ARHGEF15: variants seen among roughly 807,000 people sequenced by gnomAD.
The protein encoded by ARHGEF15 is Rho guanine nucleotide exchange factor 15, also known as Rho guanine nucleotide exchange factor (GEF) 15.
A neutral mutation model predicts 79.7 loss-of-function variants in ARHGEF15; 58 were observed. The observed-to-expected ratio is 0.73, with a 90% CI of 0.59 to 0.91. The LOEUF (loss-of-function observed/expected upper bound fraction) is 0.91, where lower values mean the gene tolerates loss of function less well. Among genes scored for constraint, ARHGEF15 ranks in the 40% least tolerant of loss-of-function variants. ARHGEF15 has a pLI of 0.00. For missense variants in ARHGEF15, 1,012 were observed against 1,108.1 expected (o/e 0.91, Z 1.23); for synonymous variants, 442 against 456.0 (o/e 0.97, Z 0.39).
intron 4 of ARHGEF15, 80 bp from the exon 5 acceptor site, chr17:8,314,824 CCT>C: frequency 6.3e-7 from 1 of 1,575,052 alleles, no homozygotes; most frequent in Non-Finnish European, 8.6e-7. Context: ...CATGGGTTGC[CCT>C]GTCCAGCATG....
intron 4 of ARHGEF15, 58 bp from the exon 5 acceptor site, chr17:8,314,846 ACC>A: frequency 6.3e-7 from 1 of 1,598,584 alleles, no homozygotes; most frequent in South Asian, 1.1e-5. Context: ...GAGAACAAGC[ACC>A]CCTACGGTGG....
At chr17:8,316,303 G>A (rs574195297) in intron 9 of ARHGEF15, among the ~76,000 whole-genome samples, 155 bp downstream of exon 9, 20 of 152,192 alleles carry the variant, frequency 1.3e-4, no homozygotes, top group Non-Finnish European at 2.5e-4. Context: ...CTCAGCCTAG[G>A]ACTCACCAAG....
At chr17:8,317,421 A>G (rs544238253) in intron 9 of ARHGEF15, among the ~76,000 whole-genome samples, 10 of 152,310 alleles carry the variant, frequency 6.6e-5, no homozygotes, top group Non-Finnish European at 1.3e-4. Flanking sequence ...CTTTATGTGA[A>G]GAGTTCCCAA....
chr17:8,318,824 G>A lies in ARHGEF15; in HGVS notation c.1947G>A (p.Gly649=), dbSNP rs763594377. Residue 649 remains glycine, a synonymous_variant, in exon 12 of 16, where the codon GGG becomes GGA. Coordinates refer to ENST00000361926, the MANE Select transcript of ARHGEF15 (RefSeq NM_173728.4). This position sits in a 1 kb window ranked among gnomAD's most constrained non-coding sequence, Gnocchi z 5.0. ...GELTELGCRR[G]GVLFASRPRF... ...TGACTGAGTTAGGGTGCCGGAGGGG[G>A]GGCGTGCTCTTTGCCTCGCGCCCCC... is the stretch of plus-strand genomic sequence containing the variant. The A allele has an allele frequency of 3.7e-6, 6 of 1,613,568 alleles. No individual in the cohort carries two copies. Among genetic ancestry groups the A allele is most frequent in the Non-Finnish European group, 5.1e-6 (6 of 1,179,996 alleles).
At position 8,319,353 on chromosome 17, in the gene ARHGEF15, G is replaced by A. The variant is rs201311723; in HGVS notation, c.2228G>A (p.Gly743Asp). 4.5e-4 allele frequency: 725 copies of A among 1,614,046 alleles called. No individual in the cohort carries two copies. The highest frequency in any genetic ancestry group is 5.5e-4 in the Non-Finnish European group (647 of 1,179,984). ...QRWLGAFPTP[G>D]PLPCSPDTIY... ...TGGCTGGGAGCCTTCCCAACCCCAG[G>A]CCCCCTTCCCTGCTCCCCAGACACC... Residue 743 changes from glycine (G) to aspartate (D), a missense_variant, in exon 14 of 16, where the codon GGC (glycine) becomes GAC (aspartate). Physicochemically the swap from Gly to Asp is moderately conservative, Grantham distance 94. Around this residue, in one of 3 missense-constraint regions of ARHGEF15, gnomAD observed 132 missense variants for 124.2 expected, o/e 1.06. Transcript: ENST00000361926.
Position 8,316,128 on chromosome 17 carries a change from C to T in ARHGEF15, c.1684C>T (p.Arg562Trp). 6.2e-7 allele frequency: 1 copy of T among 1,602,878 alleles called. No homozygotes were observed. Among genetic ancestry groups the T allele is most frequent in the Non-Finnish European group, 8.5e-7 (1 of 1,179,204 alleles). Reference protein sequence around the residue: ...FLLLPFQRITRLRMLLQNILR... With the variant: ...FLLLPFQRITWLRMLLQNILR... ...GCTACTGCCCTTCCAGCGCATCACC[C>T]GGCTGCGCATGCTGCTGCAGGTACC... Residue 562 changes from arginine to tryptophan, a missense_variant, in exon 9 of 16, where the codon CGG becomes TGG. Physicochemically the swap from Arg to Trp is moderately radical, Grantham distance 101. Transcript: ENST00000361926.
intron 1 of ARHGEF15, 77 bp from the exon 2 acceptor site, chr17:8,311,914 T>A: frequency 1.0e-6 from 1 of 1,004,604 alleles, no homozygotes; most frequent in Non-Finnish European, 1.4e-6. Context: ...GACTTCAAAA[T>A]CCTGCCTTCC....
Position 8,318,981 on chromosome 17 carries a change from T to A in ARHGEF15, c.2034-26T>A, listed in dbSNP as rs759216156. The A allele has an allele frequency of 6.2e-7, 1 of 1,611,340 alleles. No individual in the cohort carries two copies. The highest frequency in any genetic ancestry group is 1.1e-5 in the South Asian group (1 of 90,984). On this transcript the variant is annotated intron_variant, in intron 12 of 15. Coordinates refer to ENST00000361926, the MANE Select transcript of ARHGEF15 (RefSeq NM_173728.4). The surrounding 1 kb of genome is among the most constrained non-coding windows in gnomAD (Gnocchi z 5.0). ...GGGTCCAGCGGGACCCCTGCTGTCC[T>A]TCTGAACGACCTCATCCCTGGGCAG...
In ARHGEF15 at chr17:8,319,132, C is replaced by T. The variant is rs547480017; in HGVS notation, c.2159C>T (p.Thr720Ile). ...SLLSNHQGRP[T>I]HRLLQASSLS... The stretch of plus-strand genomic sequence containing the variant: ...CTCAGCAACCACCAGGGCCGCCCCA[C>T]CCACCGACTACTCCAAGCTTCTTCC... The change falls in exon 13 of 16, where the codon ACC becomes ATC. Residue 720 changes from threonine (T) to isoleucine (I), a missense_variant. Thr to Ile is a moderately conservative substitution (Grantham distance 89, BLOSUM62 -1). Coordinates refer to ENST00000361926, the MANE Select transcript of ARHGEF15 (RefSeq NM_173728.4). 3.1e-6 allele frequency: 5 copies of T among 1,613,942 alleles called. No individual in the cohort carries two copies. The South Asian group carries it at 5.5e-5, about 18-fold the overall frequency.
In ARHGEF15 at chr17:8,321,857, G is replaced by A. The variant is rs903077159; in HGVS notation, c.*864G>A. ...GGTTCTGTGGCAGTTGCAGGGCAAT[G>A]TTATGGAGCAGCCAACGGCCTGGCA... On this transcript the variant is annotated 3_prime_UTR_variant, in exon 16 of 16. Coordinates refer to ENST00000361926, the MANE Select transcript of ARHGEF15 (RefSeq NM_173728.4). The A allele has an allele frequency of 2.6e-5, 4 of 152,416 alleles. No individual in the cohort carries two copies. The highest frequency in any genetic ancestry group is 1.9e-4 in the East Asian group (1 of 5,200). 9.4% of individuals were successfully genotyped at this position (152,416 alleles called of 1,614,324 possible).
At chr17:8,317,795 G>A (rs78761266) in intron 9 of ARHGEF15, among the ~76,000 whole-genome samples, 1 of 152,124 alleles carries the variant, frequency 6.6e-6, no homozygotes, top group Non-Finnish European at 1.5e-5. Context: ...GGGCAGGCAC[G>A]GTGGCTCATG....
At chr17:8,316,770 C>A (rs758968260) in intron 9 of ARHGEF15, among the ~76,000 whole-genome samples, 3 of 152,158 alleles carry the variant, frequency 2.0e-5, no homozygotes, top group Non-Finnish European at 4.4e-5. Context: ...GAGACACTTT[C>A]TTCCTCCTCC....
intron 3 of ARHGEF15, 112 bp from the exon 4 acceptor site, chr17:8,313,389 C>G: frequency 6.7e-7 from 1 of 1,491,582 alleles, no homozygotes; most frequent in Admixed American, 1.9e-5. Context: ...TGCTCTGGTG[C>G]TGAAGAGAGT....
chr17:8,318,470 T>C lies in ARHGEF15; in HGVS notation c.1779+9T>C. The stretch of plus-strand genomic sequence containing the variant: ...TGGGTGCTGTCAGCAAGGTGGGCAG[T>C]GGGGAAGCTGAAGCAGGGGGAGGTG... On this transcript the variant is annotated intron_variant, in intron 10 of 15. Transcript: ENST00000361926. This position sits in a 1 kb window ranked among gnomAD's most constrained non-coding sequence, Gnocchi z 5.0. The C allele has an allele frequency of 6.2e-7, 1 of 1,613,824 alleles. No homozygotes were observed.
chr17:8,319,754 A>G lies in ARHGEF15; in HGVS notation c.2374+151A>G, dbSNP rs112677386. 1.0e-3 allele frequency: 563 copies of G among 543,000 alleles called. 5 individuals carry two copies. Among genetic ancestry groups the G allele is most frequent in the African/African-American group, 0.01 (507 of 50,624 alleles). 33.6% of individuals were successfully genotyped at this position (543,000 alleles called of 1,614,324 possible). A position where few individuals can be genotyped will look rare whatever the true frequency, so the allele number is the denominator to read the frequency against. On this transcript the variant is annotated intron_variant, in intron 15 of 15. Transcript: ENST00000361926. ...GGGTTCAAGGGATTCTCCTGCCTCA[A>G]CCTCCCAAGTAGCTGAGATTACAGG...
rs201613571 is a variant in ARHGEF15, at chr17:8,320,945, C to G, written c.2478C>G (p.Leu826=). 6.2e-6 allele frequency: 10 copies of G among 1,614,016 alleles called. No individual in the cohort carries two copies. Among genetic ancestry groups the G allele is most frequent in the Non-Finnish European group, 8.5e-6 (10 of 1,179,934 alleles). ...ACCTTCGCCAGAACCAGAGGCTTCT[C>G]GAGGCTGTTGGATCTTCTTCAGGCA... ...RRHLRQNQRL[L]EAVGSSSGTP... The change falls in exon 16 of 16, where the codon CTC becomes CTG. Residue 826 remains leucine, a synonymous_variant. Coordinates refer to ENST00000361926, the MANE Select transcript of ARHGEF15 (RefSeq NM_173728.4).
In ARHGEF15 at chr17:8,312,049, C is replaced by A; in HGVS notation, c.10C>A (p.Gln4Lys). The stretch of plus-strand genomic sequence containing the variant: ...AAGAGCACAGAGGAAGATGTCAGCC[C>A]AGTCCCTTCCTGCAGCAACACCCCC... MSA[Q>K]SLPAATPPTQ... The change falls in exon 2 of 16, where the codon CAG becomes AAG. Residue 4 changes from glutamine to lysine, a missense_variant. By Grantham distance (53) the Gln-to-Lys change is moderately conservative. Transcript: ENST00000361926. 1 of 1,592,812 alleles carries A rather than the reference C, an allele frequency of 6.3e-7. No homozygotes were observed. Among genetic ancestry groups the A allele is most frequent in the Admixed American group, 1.7e-5 (1 of 57,862 alleles).
chr17:8,314,846 A>AC, intron 4 of ARHGEF15, 60 bp from the exon 5 acceptor site: 1 of 1,598,584 alleles, frequency 6.3e-7, no homozygotes, highest in Non-Finnish European at 8.5e-7. Context: ...GAGAACAAGC[A>AC]CCCCTACGGT....
rs1216978191 is a variant in ARHGEF15 at position 8,319,372 on chromosome 17, A to G, written c.2247A>G (p.Pro749=). ...FPTPGPLPCS[P]DTIYEDCDCS... is the part of the protein sequence containing the mutation. ...CCCCAGGCCCCCTTCCCTGCTCCCC[A>G]GACACCATCTATGAGGACTGTGGTG... Residue 749 remains proline, a synonymous_variant, in exon 14 of 16, where the codon CCA becomes CCG. Transcript: ENST00000361926. 1 of 1,613,876 alleles carries G rather than the reference A, an allele frequency of 6.2e-7. No homozygotes were observed. Among genetic ancestry groups the G allele is most frequent in the Non-Finnish European group, 8.5e-7 (1 of 1,179,982 alleles).
Sources: gnomAD v4.1 joint callset for allele counts (sites outside exome capture counted in the v4.1 genomes callset) on GRCh38, gnomAD v4.1.1 for gene constraint, gnomAD v4.1.1 regional missense constraint, Gnocchi (gnomAD v3.1) non-coding constraint, MANE v1.5 for transcripts, NCBI Gene and HGNC (gene_info 2026-07-23, HGNC 2026-07-21) for gene names.